Variants in CSMD1 observed in about 807,000 individuals in gnomAD.
CSMD1 encodes the protein CUB and sushi domain-containing protein 1.
Under a neutral mutation model 417.5 loss-of-function variants are expected in CSMD1, and 213 were observed. That is an observed-to-expected ratio of 0.51 (90% CI 0.46 to 0.57). The LOEUF is 0.57. Ranked by LOEUF, CSMD1 falls within the 20% of genes least tolerant of loss-of-function variation. The probability of loss-of-function intolerance (pLI) is 0.00; values close to 1 mark genes in which losing one functional copy is unlikely to be tolerated. For missense variants in CSMD1, 6,923 were observed against 4,529.7 expected (o/e 1.53, Z -15.17); for synonymous variants, 2,862 against 1,736.8 (o/e 1.65, Z -16.11).
chr8:3,179,855 C>T (rs259857), intron 37 of CSMD1, among the ~76,000 whole-genome samples: 38 of 152,162 alleles, frequency 2.5e-4, no homozygotes, highest in Non-Finnish European at 4.9e-4. Context: ...AAGTAGTCCT[C>T]TTCATATAAA....
At chr8:3,433,758 T>C (rs1350752757) in intron 12 of CSMD1, among the ~76,000 whole-genome samples, 2 of 152,220 alleles carry the variant, frequency 1.3e-5, no homozygotes, top group Non-Finnish European at 1.5e-5. Flanking sequence ...TGTTGACTTT[T>C]ATTTCCCTAC....
chr8:3,580,298 T>G (rs1563171066), intron 9 of CSMD1, among the ~76,000 whole-genome samples: 2 of 151,936 alleles, frequency 1.3e-5, no homozygotes, highest in East Asian at 3.9e-4. Flanking sequence ...ATTTGTAAAG[T>G]GAGGGAAAAG....
chr8:4,055,502 TAA>T (rs906049059), intron 3 of CSMD1, among the ~76,000 whole-genome samples: 49 of 151,970 alleles, frequency 3.2e-4, no homozygotes, highest in African/African-American at 5.3e-4. Flanking sequence ...TTCATATAAA[TAA>T]GAGTCAAAAT....
chr8:3,853,612 G>A (rs1254961559), intron 5 of CSMD1, among the ~76,000 whole-genome samples: 1 of 151,910 alleles, frequency 6.6e-6, no homozygotes, highest in Non-Finnish European at 1.5e-5. Context: ...TATGAAAAAA[G>A]AAGGAGACCT....
At chr8:3,468,564 G>C (rs1023627847) in intron 12 of CSMD1, 148 bp downstream of exon 12, 5 of 576,130 alleles carry the variant, frequency 8.7e-6, no homozygotes, top group Non-Finnish European at 1.5e-5. Context: ...GCGAGTGTTA[G>C]TAGACTTTAA....
chr8:3,432,780 C>G (rs959102591), intron 12 of CSMD1, among the ~76,000 whole-genome samples: 3 of 152,134 alleles, frequency 2.0e-5, no homozygotes, highest in African/African-American at 4.8e-5. Context: ...TCCCAAAGTC[C>G]TGGGATTACA....
At chr8:3,536,127 T>A (rs1190983318) in intron 10 of CSMD1, among the ~76,000 whole-genome samples, 1 of 152,200 alleles carries the variant, frequency 6.6e-6, no homozygotes, top group East Asian at 1.9e-4. Flanking sequence ...GATACCAAGC[T>A]GTGATATCCG....
chr8:4,555,973 A>T (rs1798070911), intron 2 of CSMD1, among the ~76,000 whole-genome samples: 1 of 152,124 alleles, frequency 6.6e-6, no homozygotes, highest in Non-Finnish European at 1.5e-5. Flanking sequence ...TTTCTATATA[A>T]AATGATTGAT....
intron 3 of CSMD1, among the ~76,000 whole-genome samples, chr8:4,068,470 C>A (rs192140805): frequency 3.9e-5 from 6 of 152,290 alleles, no homozygotes; most frequent in Non-Finnish European, 7.4e-5. Flanking sequence ...TCTTTCATGA[C>A]ACCATAACAC....
chr8:3,009,040 C>A (rs1329237120), intron 52 of CSMD1, among the ~76,000 whole-genome samples: 4 of 152,308 alleles, frequency 2.6e-5, no homozygotes, highest in Middle Eastern at 3.4e-3. Flanking sequence ...GCAGAAACCC[C>A]ATATACCAGT....
At chr8:3,641,310 C>T (rs769934626) in intron 7 of CSMD1, among the ~76,000 whole-genome samples, 3 of 151,954 alleles carry the variant, frequency 2.0e-5, no homozygotes, top group Non-Finnish European at 2.9e-5. Flanking sequence ...AGGTGGAGAA[C>T]GGGTGAGTCA....
chr8:4,488,890 G>A (rs1462669135), intron 2 of CSMD1, among the ~76,000 whole-genome samples: 3 of 152,196 alleles, frequency 2.0e-5, no homozygotes, highest in Non-Finnish European at 4.4e-5. Flanking sequence ...CCTGCAGAAT[G>A]TGCATGCCTT....
intron 22 of CSMD1, among the ~76,000 whole-genome samples, chr8:3,343,955 G>A (rs1807823079): frequency 6.6e-6 from 1 of 152,188 alleles, no homozygotes; most frequent in Non-Finnish European, 1.5e-5. Flanking sequence ...TAGTCTGCAA[G>A]CCTCCGGTGG....
intron 3 of CSMD1, among the ~76,000 whole-genome samples, chr8:4,097,171 A>G (rs1229336407): frequency 6.6e-6 from 1 of 152,156 alleles, no homozygotes; most frequent in Non-Finnish European, 1.5e-5. Flanking sequence ...TTACCATTAT[A>G]TATGCTCAAT....
Position 3,307,664 on chromosome 8 carries a change from C to A in CSMD1, c.3950+31G>T. 4 of 1,606,728 alleles carry A rather than the reference C, an allele frequency of 2.5e-6. No homozygotes were observed. The South Asian group carries it at 4.4e-5, about 18-fold the overall frequency. Reference sequence around the variant, plus strand: ...AGAATAGAAGGCATATCTCTTTTCTCAAATCACTGAAACCAAAATAAAACA... The same window carrying A: ...AGAATAGAAGGCATATCTCTTTTCTAAAATCACTGAAACCAAAATAAAACA... On this transcript the variant is annotated intron_variant, in intron 25 of 69. Transcript: ENST00000635120.
intron 1 of CSMD1, among the ~76,000 whole-genome samples, chr8:4,956,804 T>C (rs1215744866): frequency 6.6e-6 from 1 of 152,160 alleles, no homozygotes; most frequent in African/African-American, 2.4e-5. Context: ...TTAGATTTTC[T>C]CCTCCCACCT....
intron 7 of CSMD1, chr8:3,700,444 C>G (rs534584530): frequency 6.6e-5 from 10 of 152,130 alleles, no homozygotes; most frequent in African/African-American, 2.4e-4. Context: ...TTAAAAAACA[C>G]AAAAACAGAG....
chr8:3,562,916 A>C (rs1327558015), intron 10 of CSMD1, among the ~76,000 whole-genome samples: 4 of 152,060 alleles, frequency 2.6e-5, no homozygotes, highest in Non-Finnish European at 5.9e-5. Flanking sequence ...CCATGAACTT[A>C]AAAGTTAAAA....
chr8:3,322,151 T>G (rs1806193459), intron 23 of CSMD1, among the ~76,000 whole-genome samples: 1 of 152,238 alleles, frequency 6.6e-6, no homozygotes, highest in Non-Finnish European at 1.5e-5. Flanking sequence ...ATAATGAGTT[T>G]GAGGATGATA....
Sources: gnomAD v4.1 joint callset for allele counts (sites outside exome capture counted in the v4.1 genomes callset) on GRCh38, gnomAD v4.1.1 for gene constraint, MANE v1.5 for transcripts, NCBI Gene and HGNC (gene_info 2026-07-23, HGNC 2026-07-21) for gene names.